Variants in TMEM233 observed in about 807,000 individuals in gnomAD.
TMEM233 encodes dispanin subfamily B member 2.
TMEM233 carries 6 observed loss-of-function variants against 11.2 expected under a neutral mutation model. The observed-to-expected ratio is 0.54, with a 90% CI of 0.29 to 1.06. The LOEUF is 1.06. Among genes scored for constraint, TMEM233 ranks in the 50% least tolerant of loss-of-function variants. The probability of loss-of-function intolerance (pLI) is 0.08; values close to 1 mark genes in which losing one functional copy is unlikely to be tolerated. For synonymous variants in TMEM233, 59 were observed against 55.8 expected (o/e 1.06, Z -0.26); for missense variants, 127 against 144.7 (o/e 0.88, Z 0.63).
chr12:119,639,027 G>A (rs976076493), intron 2 of TMEM233, among the ~76,000 whole-genome samples: 2 of 151,972 alleles, frequency 1.3e-5, no homozygotes, highest in Non-Finnish European at 2.9e-5. Context: ...CCACATCAGA[G>A]TCCTCTCTGA....
At chr12:119,597,952 A>G (rs1432130900) in intron 1 of TMEM233, among the ~76,000 whole-genome samples, 1 of 152,138 alleles carries the variant, frequency 6.6e-6, no homozygotes, top group Non-Finnish European at 1.5e-5. Flanking sequence ...ACAGCCCTCC[A>G]CCAGGGCACA....
the TMEM233 span, among the ~76,000 whole-genome samples, chr12:119,649,698 G>A: frequency 6.6e-6 from 1 of 152,034 alleles, no homozygotes; most frequent in Non-Finnish European, 1.5e-5. Flanking sequence ...TTTCAAAAAT[G>A]ATGTAGATTC....
Position 119,640,958 on chromosome 12 carries a change from A to G in TMEM233, c.*253A>G, listed in dbSNP as rs1225513504. On this transcript the variant is annotated 3_prime_UTR_variant, in exon 3 of 3. Coordinates refer to ENST00000426426, the MANE Select transcript of TMEM233 (RefSeq NM_001136534.3). ...AAAATGAAAAGAAAACAGAAAAAAG[A>G]AAAATGAAGTCTCACTGTCTCAGTT... 4 of 490,650 alleles carry G rather than the reference A, an allele frequency of 8.2e-6. No individual in the cohort carries two copies. The highest frequency in any genetic ancestry group is 3.9e-5 in the African/African-American group (2 of 51,662). The allele number at this position is 490,650 out of a possible 1,614,324, so 30.4% of individuals were successfully genotyped here. A position where few individuals can be genotyped will look rare whatever the true frequency, so the allele number is the denominator to read the frequency against.
At chr12:119,647,140 C>T (rs927971248), downstream of TMEM233, among the ~76,000 whole-genome samples, 3 of 152,164 alleles carry the variant, frequency 2.0e-5, no homozygotes, top group African/African-American at 7.2e-5. Context: ...AAGCAATCCT[C>T]CCACCTCTGC....
chr12:119,594,208 C>T lies in TMEM233; in HGVS notation c.186+174C>T, dbSNP rs146061806. The T allele has an allele frequency of 5.9e-5, 38 of 643,030 alleles. No homozygotes were observed. The highest frequency in any genetic ancestry group is 8.2e-4 in the Middle Eastern group (2 of 2,448). 39.8% of individuals were successfully genotyped at this position (643,030 alleles called of 1,614,324 possible). A position where few individuals can be genotyped will look rare whatever the true frequency, so the allele number is the denominator to read the frequency against. ...TTTCTCGGGCTCTCAGAGCTCTCCCCGCAATCATCAGCACCTCCTCTGCAC... is the reference window on the plus strand; with the variant it reads ...TTTCTCGGGCTCTCAGAGCTCTCCCTGCAATCATCAGCACCTCCTCTGCAC... On this transcript the variant is annotated intron_variant, in intron 1 of 2. Coordinates refer to ENST00000426426, the MANE Select transcript of TMEM233 (RefSeq NM_001136534.3). The surrounding 1 kb of genome is among the most constrained non-coding windows in gnomAD (Gnocchi z 5.6).
intron 2 of TMEM233, 37 bp downstream of exon 2, chr12:119,629,909 G>A (rs774484718): frequency 3.2e-5 from 49 of 1,537,846 alleles, no homozygotes; most frequent in East Asian, 2.2e-4. Context: ...CATGTCAAAC[G>A]CCCTTTCTCG....
intron 1 of TMEM233, among the ~76,000 whole-genome samples, chr12:119,629,380 A>C (rs530167678): frequency 9.1e-4 from 130 of 143,546 alleles, no homozygotes; most frequent in Non-Finnish European, 1.7e-3. Context: ...ACTGCACTTC[A>C]GCCTGGGTGA....
intron 2 of TMEM233, among the ~76,000 whole-genome samples, chr12:119,632,866 A>T (rs528921531): frequency 1.4e-4 from 22 of 152,366 alleles, no homozygotes; most frequent in African/African-American, 5.3e-4. Context: ...TCTACTTTGC[A>T]GTCTCTAGTG....
chr12:119,607,040 A>G (rs750373430), intron 1 of TMEM233, among the ~76,000 whole-genome samples: 3 of 152,222 alleles, frequency 2.0e-5, no homozygotes, highest in Non-Finnish European at 2.9e-5. Context: ...TTCTTTATCA[A>G]TTAAAAGTAG....
intron 1 of TMEM233, among the ~76,000 whole-genome samples, chr12:119,624,761 G>A (rs528953853): frequency 5.3e-5 from 8 of 152,256 alleles, no homozygotes; most frequent in African/African-American, 1.9e-4. Context: ...TAGATGGTGG[G>A]TCATGGTTGC....
intron 2 of TMEM233, among the ~76,000 whole-genome samples, chr12:119,638,720 T>C (rs1305506250): frequency 1.3e-5 from 2 of 152,078 alleles, no homozygotes; most frequent in South Asian, 4.1e-4. Context: ...ATTCATATGA[T>C]GGGACGCCAC....
At chr12:119,620,218 GA>G (rs1954613460) in intron 1 of TMEM233, among the ~76,000 whole-genome samples, 1 of 152,160 alleles carries the variant, frequency 6.6e-6, no homozygotes, top group South Asian at 2.1e-4. Context: ...ATCTTATCTT[GA>G]GATTCTTCTT....
chr12:119,609,802 G>A (rs2077459923), intron 1 of TMEM233, among the ~76,000 whole-genome samples: 2 of 152,248 alleles, frequency 1.3e-5, no homozygotes, highest in South Asian at 4.1e-4. Context: ...TGTCCAGGCA[G>A]AGGTTTGCTG....
chr12:119,609,897 G>T (rs1954361357), intron 1 of TMEM233, among the ~76,000 whole-genome samples: 1 of 152,248 alleles, frequency 6.6e-6, no homozygotes, highest in East Asian at 1.9e-4. Context: ...GAGTCCCCAT[G>T]GGGGCACTGC....
At position 119,612,024 on chromosome 12, in the gene TMEM233, C is replaced by T. The variant is rs756006573; in HGVS notation, c.187-17712C>T. On this transcript the variant is annotated intron_variant, in intron 1 of 2. Coordinates refer to ENST00000426426, the MANE Select transcript of TMEM233 (RefSeq NM_001136534.3). ...TTTTTTTTTTTCTGAGACAGAGTCT[C>T]GCTCTGTCACCCAGGCTGGAGTGCA... Among the ~76,000 whole-genome samples, 12 of 151,888 alleles carry T rather than the reference C, an allele frequency of 7.9e-5. No homozygotes were observed. The South Asian group carries it at 8.3e-4, about 11-fold the overall frequency.
At chr12:119,615,207 CTGCCTCCTCCACCCCACTTTCTT>C (rs1954501700) in intron 1 of TMEM233, among the ~76,000 whole-genome samples, 2 of 120,702 alleles carry the variant, frequency 1.7e-5, no homozygotes, top group African/African-American at 3.3e-5. Flanking sequence ...AAAAAAAAAA[CTGCCTCCTCCACCCCACTTTCTT>C]TGCCTTAATA....
At chr12:119,634,394 G>A (rs575763694) in intron 2 of TMEM233, 26 of 424,274 alleles carry the variant, frequency 6.1e-5, no homozygotes, top group African/African-American at 5.2e-4. Context: ...GATCTCTTGA[G>A]GCCAGGAGTT....
intron 1 of TMEM233, among the ~76,000 whole-genome samples, chr12:119,624,359 C>CA (rs200244351): frequency 0.017 from 2,274 of 136,072 alleles, 44 homozygotes; most frequent in African/African-American, 0.053. Context: ...GACCTCATCT[C>CA]AAAAAAAAAA....
rs762128015 is a variant in TMEM233, at chr12:119,595,844, T to C, written c.186+1810T>C. ...CCAAATTACTTCTCTCCATCTGATA[T>C]AGTATTTTAATTATTTGTATGTTTA... On this transcript the variant is annotated intron_variant, in intron 1 of 2. Coordinates refer to ENST00000426426, the MANE Select transcript of TMEM233 (RefSeq NM_001136534.3). The surrounding 1 kb of genome is among the most constrained non-coding windows in gnomAD (Gnocchi z 4.3). Among the ~76,000 whole-genome samples, 7 of 152,186 alleles carry C rather than the reference T, an allele frequency of 4.6e-5. No individual in the cohort carries two copies. Among genetic ancestry groups the C allele is most frequent in the Admixed American group, 6.5e-5 (1 of 15,280 alleles).
Sources: allele counts gnomAD v4.1 joint callset (sites outside exome capture counted in the v4.1 genomes callset), GRCh38; gene constraint gnomAD v4.1.1; non-coding constraint Gnocchi (gnomAD v3.1); transcripts MANE v1.5; gene names NCBI Gene and HGNC (gene_info 2026-07-23, HGNC 2026-07-21).